The following VPS35 variants were observed in gnomAD, a reference collection of about 807,000 sequenced individuals.
VPS35 encodes the protein VPS35 retromer complex component.
A neutral mutation model predicts 98.1 loss-of-function variants in VPS35; 21 were observed. That is an observed-to-expected ratio of 0.21 (90% confidence interval 0.15 to 0.31). The LOEUF is 0.31. VPS35 is among the 10% of genes least tolerant of loss of function. The probability of loss-of-function intolerance (pLI) is 1.00; values close to 1 mark genes in which losing one functional copy is unlikely to be tolerated. For synonymous variants in VPS35, 268 were observed against 318.2 expected (o/e 0.84, Z 1.68); for missense variants, 554 against 950.8 (o/e 0.58, Z 5.49).
rs1030158643 is a variant in VPS35, at chr16:46,674,776, TTTTG to T, written c.915-120_915-117del. The T allele has an allele frequency of 8.4e-4, 833 of 993,718 alleles. 4 individuals carry two copies. The African/African-American group carries it at 0.013, about 15-fold the overall frequency. The allele number at this position is 993,718 out of a possible 1,614,324, so 61.6% of individuals were successfully genotyped here. A position where few individuals can be genotyped will look rare whatever the true frequency, so the allele number is the denominator to read the frequency against. On this transcript the variant is annotated intron_variant, in intron 8 of 16. Coordinates refer to ENST00000299138, the MANE Select transcript of VPS35 (RefSeq NM_018206.6). The stretch of plus-strand genomic sequence containing the variant: ...TATATTTTGTATGAGCCCAAAAGGT[TTTTG>T]TTTTTTTTGTTTTGTTTTGTTTTGT...
intron 8 of VPS35, 46 bp from the exon 9 acceptor site, chr16:46,674,706 T>C: frequency 1.4e-6 from 2 of 1,463,704 alleles, no homozygotes; most frequent in Non-Finnish European, 1.9e-6. Context: ...ATACAGGGTT[T>C]GGGTAGTGAG....
At position 46,659,509 on chromosome 16, in the gene VPS35, G is replaced by C. The variant is rs1486689967; in HGVS notation, c.*963C>G. On this transcript the variant is annotated 3_prime_UTR_variant, in exon 17 of 17. Transcript: ENST00000299138. Reference sequence around the variant, plus strand: ...CAGGGTAAAGTTGAGGAAAGAAAAGGGGTATAAATGACTAAAAGAGTAGAT... The same window carrying C: ...CAGGGTAAAGTTGAGGAAAGAAAAGCGGTATAAATGACTAAAAGAGTAGAT... The C allele has an allele frequency of 6.6e-6, 1 of 152,160 alleles. No individual in the cohort carries two copies. The highest frequency in any genetic ancestry group is 1.9e-4 in the East Asian group (1 of 5,196). The allele number at this position is 152,160 out of a possible 1,614,324, so 9.4% of individuals were successfully genotyped here. A position where few individuals can be genotyped will look rare whatever the true frequency, so the allele number is the denominator to read the frequency against.
chr16:46,662,347 G>A lies in VPS35; in HGVS notation c.1963C>T (p.Leu655Phe). Residue 655 changes from leucine to phenylalanine, a missense_variant, in exon 15 of 17, where the codon CTT (leucine) becomes TTT (phenylalanine). Coordinates refer to ENST00000299138, the MANE Select transcript of VPS35 (RefSeq NM_018206.6). ...NHEPLRTQCA[L>F]AASKLLKKPD... The stretch of plus-strand genomic sequence containing the variant: ...TTCTTTAGAAGTTTGGATGCAGCAA[G>A]GGCACACTGAGTCCTCAGAGGTTCG... The A allele has an allele frequency of 6.2e-7, 1 of 1,614,190 alleles. No homozygotes were observed. Among genetic ancestry groups the A allele is most frequent in the South Asian group, 1.1e-5 (1 of 91,074 alleles).
At position 46,663,862 on chromosome 16, in the gene VPS35, A is replaced by ATTTT. The variant is rs546485076; in HGVS notation, c.1648-704_1648-701dup. Among the ~76,000 whole-genome samples, 20 of 28,682 alleles carry ATTTT rather than the reference A, an allele frequency of 7.0e-4. 4 individuals are homozygous for ATTTT. The highest frequency in any genetic ancestry group is 2.4e-3 in the African/African-American group (19 of 7,758). 18.8% of individuals were successfully genotyped at this position (28,682 alleles called of 152,430 possible). ...AGGCTTGCATCACCACACCTGGCTA[A>ATTTT]TTTTTTTTTTTTTTTTTTTTTTTTT... On this transcript the variant is annotated intron_variant, in intron 13 of 16. Transcript: ENST00000299138.
At chr16:46,667,096 G>C (rs1054106788) in intron 13 of VPS35, among the ~76,000 whole-genome samples, 1 of 151,962 alleles carries the variant, frequency 6.6e-6, no homozygotes, top group Non-Finnish European at 1.5e-5. Context: ...TAATAAACAG[G>C]GTTCCCATTT....
At chr16:46,663,862 ATTTTTTTTTTTTTTTTT>A (rs546485076) in intron 13 of VPS35, among the ~76,000 whole-genome samples, 5 of 28,676 alleles carry the variant, frequency 1.7e-4, no homozygotes, top group African/African-American at 6.4e-4. Context: ...CACCTGGCTA[ATTTTTTTTTTTTTTTTT>A]TTTTTTTTTT....
At position 46,661,743 on chromosome 16, in the gene VPS35, T is replaced by G. The variant is rs774419073; in HGVS notation, c.2186A>C (p.Tyr729Ser). ...CGCATCATTTTCCTTTTCATAAAAA[T>G]AGATATATCTGTTCAGAATTTCTAT... The part of the protein sequence containing the change: ...LFIEILNRYI[Y>S]FYEKENDAVT... The change falls in exon 16 of 17, where the codon TAT (tyrosine) becomes TCT (serine). Residue 729 changes from tyrosine (Y) to serine (S), a missense_variant. Transcript: ENST00000299138. This position sits in a 1 kb window ranked among gnomAD's most constrained non-coding sequence, Gnocchi z 4.3. 1.2e-6 allele frequency: 2 copies of G among 1,611,678 alleles called. No individual in the cohort carries two copies. Among genetic ancestry groups the G allele is most frequent in the Non-Finnish European group, 1.7e-6 (2 of 1,177,844 alleles).
intron 1 of VPS35, 81 bp from the exon 2 acceptor site, chr16:46,683,687 C>T (rs1411896872): frequency 2.2e-6 from 3 of 1,365,904 alleles, no homozygotes; most frequent in Middle Eastern, 1.8e-4. Context: ...AGCCATAGTC[C>T]TTCTCCAACA....
chr16:46,683,856 C>T (rs1966272245), intron 1 of VPS35, among the ~76,000 whole-genome samples: 1 of 152,164 alleles, frequency 6.6e-6, no homozygotes, highest in South Asian at 2.1e-4. Context: ...TCCTAAGTAG[C>T]TGGGACTACA....
Position 46,662,011 on chromosome 16 carries a change from T to G in VPS35, c.2068-150A>C. 4 of 1,322,874 alleles carry G rather than the reference T, an allele frequency of 3.0e-6. 1 individual carries two copies. In the South Asian group the frequency reaches 5.4e-5, roughly 18 times the overall value. 81.9% of individuals were successfully genotyped at this position (1,322,874 alleles called of 1,614,324 possible). A position where few individuals can be genotyped will look rare whatever the true frequency, so the allele number is the denominator to read the frequency against. ...CATTCTCCTTCTTCTTGTTTTGAAG[T>G]ATACAGCTGTATTTTTTTAAAAACA... On this transcript the variant is annotated intron_variant, in intron 15 of 16. Coordinates refer to ENST00000299138, the MANE Select transcript of VPS35 (RefSeq NM_018206.6).
Position 46,683,500 on chromosome 16 carries a change from A to G in VPS35, c.102+8T>C, listed in dbSNP as rs756840066. ...CTGCAACTGTGCCTCCCACATCTCC[A>G]TTCTTACCAGGCATCTCTTCATTTG... is the stretch of plus-strand genomic sequence containing the variant. On this transcript the variant is annotated splice_region_variant and intron_variant, in intron 2 of 16. Transcript: ENST00000299138. 1.2e-6 allele frequency: 2 copies of G among 1,612,716 alleles called. No individual in the cohort carries two copies. Among genetic ancestry groups the G allele is most frequent in the Non-Finnish European group, 1.7e-6 (2 of 1,179,696 alleles).
At chr16:46,660,733 G>A (rs764651387) in intron 16 of VPS35, 82 bp from the exon 17 acceptor site, 1 of 1,084,054 alleles carries the variant, frequency 9.2e-7, no homozygotes, top group Non-Finnish European at 1.3e-6. Context: ...GTTTTGAGGA[G>A]CTTCTGTTAC....
At chr16:46,675,710 A>G (rs1394102254) in intron 8 of VPS35, among the ~76,000 whole-genome samples, 1 of 152,202 alleles carries the variant, frequency 6.6e-6, no homozygotes, top group Non-Finnish European at 1.5e-5. Flanking sequence ...TTCTGGTTTC[A>G]TGACAATGCT....
Position 46,658,446 on chromosome 16 carries a change from AGCAGT to A in VPS35, c.*2021_*2025del, listed in dbSNP as rs1965861506. ...AAAAAATCTGTAAGTTAAGGATACT[AGCAGT>A]GCTTTTGTTTCACTTTTATTTACTT... On this transcript the variant is annotated 3_prime_UTR_variant, in exon 17 of 17. Coordinates refer to ENST00000299138, the MANE Select transcript of VPS35 (RefSeq NM_018206.6). The A allele has an allele frequency of 6.5e-6, 1 of 153,808 alleles. No homozygotes were observed. Among genetic ancestry groups the A allele is most frequent in the South Asian group, 2.1e-4 (1 of 4,836 alleles). 9.5% of individuals were successfully genotyped at this position (153,808 alleles called of 1,614,324 possible).
chr16:46,668,942 C>A lies in VPS35; in HGVS notation c.1635G>T (p.Glu545Asp). ...AAYQLAFRYK[E>D]NSKVDDKWEK... Reference sequence around the variant, plus strand: ...AAAGTAAACTCACCACTTTAGAATTCTCTTTATATCGAAAAGCCAGCTGGT... The same window carrying A: ...AAAGTAAACTCACCACTTTAGAATTATCTTTATATCGAAAAGCCAGCTGGT... Residue 545 changes from glutamate to aspartate, a missense_variant, in exon 13 of 17, where the codon GAG becomes GAT. Glu to Asp is a conservative substitution (Grantham distance 45). This residue lies in a region of VPS35 where 254 missense variants were observed against 390.1 expected (regional missense o/e 0.65). Coordinates refer to ENST00000299138, the MANE Select transcript of VPS35 (RefSeq NM_018206.6). The A allele has an allele frequency of 6.2e-7, 1 of 1,614,112 alleles. No individual in the cohort carries two copies. The highest frequency in any genetic ancestry group is 8.5e-7 in the Non-Finnish European group (1 of 1,180,014).
At chr16:46,666,649 A>T (rs1965994365) in intron 13 of VPS35, among the ~76,000 whole-genome samples, 1 of 152,144 alleles carries the variant, frequency 6.6e-6, no homozygotes, top group Admixed American at 6.5e-5. Context: ...TCTACATATA[A>T]ATGAAGTCAT....
intron 10 of VPS35, 141 bp downstream of exon 10, chr16:46,674,173 C>A (rs1159444623): frequency 4.3e-6 from 4 of 921,524 alleles, no homozygotes; most frequent in Non-Finnish European, 6.7e-6. Flanking sequence ...ACTTTCTGCC[C>A]CTAGTAGTGC....
At chr16:46,681,754 T>C (rs1420384067) in intron 3 of VPS35, 4 of 551,208 alleles carry the variant, frequency 7.3e-6, no homozygotes, top group African/African-American at 3.8e-5. Flanking sequence ...AAATGGCAAA[T>C]GATTAAATTC....
chr16:46,685,957 C>A (rs1966304517), intron 1 of VPS35, among the ~76,000 whole-genome samples: 1 of 152,066 alleles, frequency 6.6e-6, no homozygotes, highest in Admixed American at 6.5e-5. Flanking sequence ...AGTTCAGTGG[C>A]ATTAGGTACA....
Sources: allele counts gnomAD v4.1 joint callset (sites outside exome capture counted in the v4.1 genomes callset), GRCh38; gene constraint gnomAD v4.1.1; regional missense constraint gnomAD v4.1.1; non-coding constraint Gnocchi (gnomAD v3.1); transcripts MANE v1.5; gene names NCBI Gene and HGNC (gene_info 2026-07-23, HGNC 2026-07-21).